TDRD7: variants seen among roughly 807,000 people sequenced by gnomAD.
TDRD7 encodes tudor domain containing 7, also known as tudor domain-containing protein 7.
TDRD7 carries 47 observed loss-of-function variants against 109.8 expected under a neutral mutation model. That is an observed-to-expected ratio of 0.43 (90% CI 0.34 to 0.55). The LOEUF (loss-of-function observed/expected upper bound fraction) is 0.55. Among genes scored for constraint, TDRD7 ranks in the 20% least tolerant of loss-of-function variants. TDRD7 has a pLI of 0.03. For missense variants in TDRD7, 1,164 were observed against 1,319.2 expected, an observed-to-expected ratio of 0.88 and a Z score of 1.82; for synonymous variants, 424 against 457.3, an observed-to-expected ratio of 0.93 and a Z score of 0.93.
chr9:97,418,673 G>C (rs1278661934), intron 1 of TDRD7, among the ~76,000 whole-genome samples: 1 of 152,198 alleles, frequency 6.6e-6, no homozygotes, highest in Non-Finnish European at 1.5e-5. Flanking sequence ...GGAAGGAGTG[G>C]AAGGCTTTCG....
At chr9:97,461,744 G>A (rs993545339) in intron 7 of TDRD7, among the ~76,000 whole-genome samples, 2 of 152,232 alleles carry the variant, frequency 1.3e-5, no homozygotes, top group African/African-American at 4.8e-5. Flanking sequence ...TGTGGCCATG[G>A]CTGGGCAGAT....
chr9:97,433,616 T>C (rs1392798421), intron 4 of TDRD7, among the ~76,000 whole-genome samples: 2 of 151,778 alleles, frequency 1.3e-5, no homozygotes, highest in Non-Finnish European at 2.9e-5. Flanking sequence ...GCAAACCATA[T>C]ACCTGATAAG....
intron 5 of TDRD7, 122 bp from the exon 6 acceptor site, chr9:97,441,536 T>C: frequency 2.4e-6 from 2 of 839,504 alleles, no homozygotes; most frequent in Non-Finnish European, 3.9e-6. Flanking sequence ...TGCTCCCTTC[T>C]AAGTCCTTTG....
chr9:97,480,965 A>G (rs1206368373), intron 14 of TDRD7, 27 bp downstream of exon 14: 5 of 1,589,016 alleles, frequency 3.1e-6, no homozygotes, highest in Non-Finnish European at 4.3e-6. Flanking sequence ...GGCCTGATAC[A>G]TTTAGAAAGG....
chr9:97,484,681 CT>C (rs1047772836), intron 15 of TDRD7, among the ~76,000 whole-genome samples: 1 of 152,130 alleles, frequency 6.6e-6, no homozygotes, highest in Non-Finnish European at 1.5e-5. Flanking sequence ...ATGTCATAAG[CT>C]TTTCTTCTCT....
In TDRD7 at chr9:97,432,066, A is replaced by C; in HGVS notation, c.391A>C (p.Asn131His). Residue 131 changes from asparagine to histidine, a missense_variant, in exon 4 of 17, where the codon AAT becomes CAT. Physicochemically the swap from Asn to His is moderately conservative, Grantham distance 68 (BLOSUM62 1). Transcript: ENST00000355295. ...CCTCAGACAACCAGGATTTGCTTCA[A>C]ATTTTTCTGTTGGCAAAAAACCTAA... ...ATLRQPGFASNFSVGKKPNPA... is the reference protein window; with the variant it reads ...ATLRQPGFASHFSVGKKPNPA... 1.2e-6 allele frequency: 2 copies of C among 1,613,858 alleles called. No homozygotes were observed. The highest frequency in any genetic ancestry group is 2.7e-5 in the African/African-American group (2 of 75,016).
intron 1 of TDRD7, among the ~76,000 whole-genome samples, chr9:97,422,254 G>T (rs1451749475): frequency 6.6e-6 from 1 of 152,098 alleles, no homozygotes; most frequent in Non-Finnish European, 1.5e-5. Context: ...AATTAGCCAG[G>T]CATGGTGGCA....
intron 11 of TDRD7, among the ~76,000 whole-genome samples, chr9:97,474,159 T>A (rs149244437): frequency 2.0e-5 from 3 of 152,288 alleles, no homozygotes; most frequent in African/African-American, 7.2e-5. Context: ...ATTAATAAGC[T>A]CCTTATCCTT....
Position 97,490,557 on chromosome 9 carries a change from G to GT in TDRD7, c.3076+3225_3076+3226insT, listed in dbSNP as rs199527616. On this transcript the variant is annotated intron_variant, in intron 16 of 16. Transcript: ENST00000355295. Reference sequence around the variant, plus strand: ...GCCTAGATATATTTTGGTGGGGGGGGGGGCATTTATCTTGCTTGGTGTTCT... The same window carrying GT: ...GCCTAGATATATTTTGGTGGGGGGGGTGGGCATTTATCTTGCTTGGTGTTCT... Among the ~76,000 whole-genome samples the GT allele has an allele frequency of 8.4e-3, 1,189 of 140,846 alleles. 19 individuals carry two copies. The highest frequency in any genetic ancestry group is 0.028 in the African/African-American group (1,093 of 39,342). The allele number at this position is 140,846 out of a possible 152,430, so 92.4% of individuals were successfully genotyped here.
At chr9:97,452,004 T>C (rs1415491079) in intron 6 of TDRD7, among the ~76,000 whole-genome samples, 1 of 152,272 alleles carries the variant, frequency 6.6e-6, no homozygotes, top group East Asian at 1.9e-4. Context: ...CTTTAAATTA[T>C]ATTTTTTAAC....
rs539383692 is a variant in TDRD7 at position 97,477,286 on chromosome 9, T to C, written c.2167-1153T>C. Among the ~76,000 whole-genome samples, 14 of 152,296 alleles carry C rather than the reference T, an allele frequency of 9.2e-5. No individual in the cohort carries two copies. In the South Asian group the frequency reaches 2.3e-3, roughly 25 times the overall value. ...AAACCATTAGTTAATCCACAGAACA[T>C]ACATTTCCCAAATTGTCCCACAAAG... On this transcript the variant is annotated intron_variant, in intron 12 of 16. Transcript: ENST00000355295.
chr9:97,428,720 TGCCTCTCTG>T (rs752161339), intron 2 of TDRD7, 48 bp downstream of exon 2: 2 of 1,567,976 alleles, frequency 1.3e-6, no homozygotes, highest in East Asian at 4.5e-5. Flanking sequence ...AATTCATAAT[TGCCTCTCTG>T]GCACTTCCAA....
At chr9:97,429,342 T>G (rs1302441293) in intron 2 of TDRD7, among the ~76,000 whole-genome samples, 2 of 152,196 alleles carry the variant, frequency 1.3e-5, no homozygotes, top group Non-Finnish European at 2.9e-5. Flanking sequence ...ACCTACCCAT[T>G]GTACAGCATA....
At chr9:97,453,426 G>A (rs552276304) in intron 6 of TDRD7, among the ~76,000 whole-genome samples, 2 of 152,162 alleles carry the variant, frequency 1.3e-5, no homozygotes, top group Non-Finnish European at 2.9e-5. Flanking sequence ...GGCTCCCATT[G>A]AAAAAAACCA....
At chr9:97,439,108 C>T in intron 4 of TDRD7, 137 bp from the exon 5 acceptor site, 1 of 511,770 alleles carries the variant, frequency 2.0e-6, no homozygotes, top group Non-Finnish European at 3.1e-6. Flanking sequence ...TTTATTTTTT[C>T]TGATTTTAAA....
At chr9:97,427,309 C>T (rs1470139813) in intron 1 of TDRD7, among the ~76,000 whole-genome samples, 1 of 151,944 alleles carries the variant, frequency 6.6e-6, no homozygotes, top group Non-Finnish European at 1.5e-5. Flanking sequence ...ATGATTCTTT[C>T]CTCCTTTTAT....
At chr9:97,476,123 G>T (rs530470755) in intron 12 of TDRD7, among the ~76,000 whole-genome samples, 1 of 152,206 alleles carries the variant, frequency 6.6e-6, no homozygotes, top group African/African-American at 2.4e-5. Flanking sequence ...AATTTTACTA[G>T]ATCTTGCTTA....
chr9:97,490,209 C>G (rs969955683), intron 16 of TDRD7, among the ~76,000 whole-genome samples: 2 of 152,150 alleles, frequency 1.3e-5, no homozygotes, highest in African/African-American at 2.4e-5. Flanking sequence ...TATTTTCCTT[C>G]TCTGAAGAAC....
intron 16 of TDRD7, among the ~76,000 whole-genome samples, chr9:97,495,067 T>C (rs1829374474): frequency 1.3e-5 from 2 of 152,190 alleles, no homozygotes; most frequent in African/African-American, 4.8e-5. Context: ...ATTCTCTAAC[T>C]TGATTTCTCA....
Sources: gnomAD v4.1 joint callset for allele counts (sites outside exome capture counted in the v4.1 genomes callset) on GRCh38, gnomAD v4.1.1 for gene constraint, MANE v1.5 for transcripts, NCBI Gene and HGNC (gene_info 2026-07-23, HGNC 2026-07-21) for gene names.